SDK2: variants seen among roughly 807,000 people sequenced by gnomAD.
SDK2 encodes the protein sidekick cell adhesion molecule 2.
SDK2 carries 105 observed loss-of-function variants against 253.9 expected under a neutral mutation model. The ratio of observed to expected loss-of-function variants is 0.41; its 90% CI spans 0.35 to 0.49. The LOEUF is 0.49. SDK2 is among the 20% of genes least tolerant of loss of function. SDK2 has a pLI of 0.06. For synonymous variants in SDK2, 1,249 were observed against 1,234.9 expected (o/e 1.01, Z -0.24); for missense variants, 2,608 against 3,003.0 (o/e 0.87, Z 3.07).
At chr17:73,587,178 T>C (rs1437172979) in intron 1 of SDK2, among the ~76,000 whole-genome samples, 1 of 152,120 alleles carries the variant, frequency 6.6e-6, no homozygotes, top group Non-Finnish European at 1.5e-5. Flanking sequence ...CCCTTGGAAT[T>C]CCATCTCCAG....
intron 17 of SDK2, among the ~76,000 whole-genome samples, chr17:73,415,284 C>T (rs2063171014): frequency 6.6e-6 from 1 of 151,606 alleles, no homozygotes; most frequent in South Asian, 2.1e-4. Context: ...ACCCAACAGG[C>T]ATGGGACTGG....
chr17:73,408,218 A>ATTTTT (rs1315820128), intron 18 of SDK2, among the ~76,000 whole-genome samples: 3 of 129,568 alleles, frequency 2.3e-5, no homozygotes, highest in Non-Finnish European at 4.9e-5. Flanking sequence ...CACCTGGCTA[A>ATTTTT]TTTTTTTTTT....
intron 2 of SDK2, among the ~76,000 whole-genome samples, chr17:73,486,443 T>C (rs2063769681): frequency 6.6e-6 from 1 of 151,786 alleles, no homozygotes; most frequent in South Asian, 2.1e-4. Flanking sequence ...AATCTATCTC[T>C]ACCAAAAAAT....
intron 24 of SDK2, among the ~76,000 whole-genome samples, chr17:73,397,083 A>G (rs1410419637): frequency 6.6e-6 from 1 of 152,202 alleles, no homozygotes; most frequent in Non-Finnish European, 1.5e-5. Context: ...GTGAGATCTT[A>G]CGTGGAAACA....
At chr17:73,518,310 T>C (rs1215073791) in intron 1 of SDK2, 3 of 152,224 alleles carry the variant, frequency 2.0e-5, no homozygotes, top group African/African-American at 7.2e-5. Context: ...TGTGTTTCCC[T>C]GGGCATCATT....
intron 18 of SDK2, among the ~76,000 whole-genome samples, chr17:73,412,020 GTATA>G (rs1311543823): frequency 1.0e-4 from 5 of 49,644 alleles, no homozygotes; most frequent in African/African-American, 2.0e-4. Flanking sequence ...GTAGATATAC[GTATA>G]TGTATATATA....
chr17:73,579,290 T>G (rs544276717), intron 1 of SDK2, among the ~76,000 whole-genome samples: 2 of 152,310 alleles, frequency 1.3e-5, no homozygotes, highest in African/African-American at 4.8e-5. Flanking sequence ...GCTTTGGGAA[T>G]AGAGACCATG....
chr17:73,384,119 A>C (rs1230715211), intron 32 of SDK2, 108 bp from the exon 33 acceptor site: 5 of 1,267,816 alleles, frequency 3.9e-6, no homozygotes, highest in South Asian at 1.5e-5. Context: ...CTATGTTTTA[A>C]CCAGGAAAAG....
chr17:73,500,276 C>T (rs2063877977), intron 2 of SDK2, among the ~76,000 whole-genome samples: 1 of 143,614 alleles, frequency 7.0e-6, no homozygotes, highest in Admixed American at 7.0e-5. Context: ...CTCCTCCATC[C>T]TTCTCCATCC....
chr17:73,565,422 T>A (rs965541827), intron 1 of SDK2, among the ~76,000 whole-genome samples: 1 of 152,194 alleles, frequency 6.6e-6, no homozygotes, highest in Non-Finnish European at 1.5e-5. Flanking sequence ...ATTCATGACA[T>A]CTAGGATACA....
chr17:73,490,157 G>A (rs1014714339), intron 2 of SDK2, among the ~76,000 whole-genome samples: 4 of 152,088 alleles, frequency 2.6e-5, no homozygotes, highest in Non-Finnish European at 4.4e-5. Context: ...CTTTTTTGGC[G>A]GCCTGTCTTG....
At chr17:73,341,708 G>A (rs1019436467) in intron 44 of SDK2, among the ~76,000 whole-genome samples, 38 of 152,292 alleles carry the variant, frequency 2.5e-4, no homozygotes, top group African/African-American at 8.4e-4. Flanking sequence ...GAAATGAGAT[G>A]CACGGCTTGT....
rs1266015702 is a variant in SDK2, at chr17:73,361,753, G to A, written c.5398C>T (p.Arg1800Cys). ...DLAEGVTYRF[R>C]IRAKTFTYGP... The stretch of plus-strand genomic sequence containing the variant: ...TAGGTGAAGGTCTTGGCTCTGATGC[G>A]GAACCTGTAGGTCACCCCCTCCGCC... Residue 1800 changes from arginine (R) to cysteine (C), a missense_variant, in exon 39 of 45, where the codon CGC (arginine) becomes TGC (cysteine). Physicochemically the swap from Arg to Cys is radical, Grantham distance 180. Transcript: ENST00000392650. The surrounding 1 kb of genome is among the most constrained non-coding windows in gnomAD (Gnocchi z 4.1). 3.1e-6 allele frequency: 5 copies of A among 1,613,498 alleles called. No individual in the cohort carries two copies. The highest frequency in any genetic ancestry group is 3.4e-6 in the Non-Finnish European group (4 of 1,179,668).
At chr17:73,354,595 C>A (rs1350218321) in intron 40 of SDK2, among the ~76,000 whole-genome samples, 1 of 152,152 alleles carries the variant, frequency 6.6e-6, no homozygotes, top group Non-Finnish European at 1.5e-5. Flanking sequence ...CTAGCCAGAC[C>A]CCTCTTCACA....
At chr17:73,399,529 G>A (rs2063004640) in intron 21 of SDK2, among the ~76,000 whole-genome samples, 2 of 152,190 alleles carry the variant, frequency 1.3e-5, no homozygotes, top group African/African-American at 4.8e-5. Context: ...AGGGCTGAGA[G>A]GAGGCTCTCA....
Position 73,438,050 on chromosome 17 carries a change from C to T in SDK2, c.830G>A (p.Ser277Asn). 6.4e-7 allele frequency: 1 copy of T among 1,551,706 alleles called. No individual in the cohort carries two copies. Among genetic ancestry groups the T allele is most frequent in the East Asian group, 2.4e-5 (1 of 40,928 alleles). The change falls in exon 7 of 45, where the codon AGT becomes AAT. Residue 277 changes from serine (S) to asparagine (N), a missense_variant. Physicochemically the swap from Ser to Asn is conservative, Grantham distance 46. Around this residue, in one of 2 missense-constraint regions of SDK2, gnomAD observed 1,505 missense variants for 1,859.1 expected, o/e 0.81. Coordinates refer to ENST00000392650, the MANE Select transcript of SDK2 (RefSeq NM_001144952.2). ...CTCACACTCGTAGTAGCCGGCGTCACTGCCGGTGGGGTTGGGGATGGTGAG... is the reference window on the plus strand; with the variant it reads ...CTCACACTCGTAGTAGCCGGCGTCATTGCCGGTGGGGTTGGGGATGGTGAG... ...RRLTIPNPTG[S>N]DAGYYECEAV...
At position 73,368,568 on chromosome 17, in the gene SDK2, C is replaced by A. The variant is rs1384013109; in HGVS notation, c.5006G>T (p.Gly1669Val). ...CGTCTTCACTCGCTCTGTGAGGTTC[C>A]CCCGCTGGGCTTCCCAGAAATAAAT... ...YKIYFWEAQR[G>V]NLTERVKTLF... Residue 1669 changes from glycine to valine, a missense_variant, in exon 37 of 45, where the codon GGG becomes GTG. Physicochemically the swap from Gly to Val is moderately radical, Grantham distance 109 (BLOSUM62 -3). This residue lies in a region of SDK2 where 1,103 missense variants were observed against 1,143.9 expected (regional missense o/e 0.96). Coordinates refer to ENST00000392650, the MANE Select transcript of SDK2 (RefSeq NM_001144952.2). 1 of 1,594,812 alleles carries A rather than the reference C, an allele frequency of 6.3e-7. No homozygotes were observed. The highest frequency in any genetic ancestry group is 1.1e-5 in the South Asian group (1 of 87,428).
Position 73,534,429 on chromosome 17 carries a change from C to T in SDK2, c.65-26832G>A, listed in dbSNP as rs1249614768. On this transcript the variant is annotated intron_variant, in intron 1 of 44. Coordinates refer to ENST00000392650, the MANE Select transcript of SDK2 (RefSeq NM_001144952.2). This position sits in a 1 kb window ranked among gnomAD's most constrained non-coding sequence, Gnocchi z 4.9. ...GCAGTGCTAAAGAGACGATTGCCGA[C>T]AGATGCCTGACCTCTGAGAGGCCTG... Among the ~76,000 whole-genome samples the T allele has an allele frequency of 6.6e-6, 1 of 151,958 alleles. No homozygotes were observed. The highest frequency in any genetic ancestry group is 2.4e-5 in the African/African-American group (1 of 41,320).
intron 2 of SDK2, among the ~76,000 whole-genome samples, chr17:73,506,140 G>C (rs1028881836): frequency 6.6e-6 from 1 of 152,240 alleles, no homozygotes; most frequent in African/African-American, 2.4e-5. Context: ...CCACTTGAGC[G>C]TGTCCAAAGT....
Sources: allele counts gnomAD v4.1 joint callset (sites outside exome capture counted in the v4.1 genomes callset), GRCh38; gene constraint gnomAD v4.1.1; regional missense constraint gnomAD v4.1.1; non-coding constraint Gnocchi (gnomAD v3.1); transcripts MANE v1.5; gene names NCBI Gene and HGNC (gene_info 2026-07-23, HGNC 2026-07-21).